CCDC175: variants seen among roughly 807,000 people sequenced by gnomAD.
CCDC175 encodes coiled-coil domain containing 175, also known as coiled-coil domain-containing protein 175.
In CCDC175, 100 loss-of-function variants were observed where a neutral mutation model predicts 114.6. The observed-to-expected ratio is 0.87, with a 90% CI of 0.74 to 1.03. The LOEUF (loss-of-function observed/expected upper bound fraction) is 1.03. Ranked by LOEUF, CCDC175 falls within the 50% of genes least tolerant of loss-of-function variation. The pLI, the probability that CCDC175 is intolerant of heterozygous loss-of-function variation, is 0.00. For synonymous variants in CCDC175, 306 were observed against 308.7 expected, an observed-to-expected ratio of 0.99 and a Z score of 0.09; for missense variants, 880 against 917.8, an observed-to-expected ratio of 0.96 and a Z score of 0.53.
chr14:59,568,108 G>A, intron 4 of CCDC175, 137 bp downstream of exon 4: 1 of 776,062 alleles, frequency 1.3e-6, no homozygotes, highest in Non-Finnish European at 1.9e-6. Context: ...ATCAGCCTGG[G>A]CCATCTCCTA....
At chr14:59,517,179 A>G (rs1431154952) in intron 17 of CCDC175, among the ~76,000 whole-genome samples, 1 of 152,218 alleles carries the variant, frequency 6.6e-6, no homozygotes. Flanking sequence ...TCAAAATAAT[A>G]AGAGCTATCT....
At chr14:59,576,477 C>T in intron 1 of CCDC175, 142 bp downstream of exon 1, 1 of 778,296 alleles carries the variant, frequency 1.3e-6, no homozygotes, top group Non-Finnish European at 1.8e-6. Context: ...TCCCCAGCCT[C>T]CAAGGAGCGG....
chr14:59,534,594 C>T (rs114352897), intron 13 of CCDC175, among the ~76,000 whole-genome samples: 277 of 152,292 alleles, frequency 1.8e-3, no homozygotes, highest in African/African-American at 6.2e-3. Context: ...CTATAATAAA[C>T]CCTTTTCCTG....
intron 9 of CCDC175, 143 bp from the exon 10 acceptor site, chr14:59,543,597 C>T (rs1182921962): frequency 2.3e-6 from 1 of 428,768 alleles, no homozygotes; most frequent in Admixed American, 4.2e-5. Flanking sequence ...AGTCTTTTTG[C>T]TAGTGGTAGC....
chr14:59,530,313 G>A (rs1278220138), intron 14 of CCDC175, among the ~76,000 whole-genome samples: 1 of 151,930 alleles, frequency 6.6e-6, no homozygotes, highest in Non-Finnish European at 1.5e-5. Flanking sequence ...GTTGCAGTGA[G>A]CAGAGATTGT....
chr14:59,537,958 ATAT>A, intron 13 of CCDC175, 62 bp downstream of exon 13: 1 of 828,962 alleles, frequency 1.2e-6, no homozygotes, highest in East Asian at 3.7e-5. Flanking sequence ...ATAGCATGAA[ATAT>A]TATTCCCCCT....
chr14:59,531,831 G>A lies in CCDC175; in HGVS notation c.1703C>T (p.Ala568Val). ...LVEYLPQLQV[A>V]EQEYKEKRRK... Reference sequence around the variant, plus strand: ...TCTTTTCTCTTTATACTCTTGTTCTGCCACCTGAAGTTGTGGAAGATACTC... The same window carrying A: ...TCTTTTCTCTTTATACTCTTGTTCTACCACCTGAAGTTGTGGAAGATACTC... Residue 568 changes from alanine to valine, a missense_variant, in exon 14 of 20, where the codon GCA (alanine) becomes GTA (valine). By Grantham distance (64) the Ala-to-Val change is moderately conservative (BLOSUM62 0). Transcript: ENST00000537690. The A allele has an allele frequency of 6.8e-7, 1 of 1,476,686 alleles. No homozygotes were observed. The highest frequency in any genetic ancestry group is 9.1e-7 in the Non-Finnish European group (1 of 1,095,364). 91.5% of individuals were successfully genotyped at this position (1,476,686 alleles called of 1,614,324 possible). A position where few individuals can be genotyped will look rare whatever the true frequency, so the allele number is the denominator to read the frequency against.
Position 59,545,267 on chromosome 14 carries a change from T to C in CCDC175, c.1068A>G (p.Glu356=). ...LVETLHAARM[E]YKDLREKMKT... is the part of the protein sequence containing the mutation. ...TCATTTTCTCTCGTAGGTCTTTGTA[T>C]TCCATACGAGCAGCATGCAGTGTTT... The change falls in exon 9 of 20, where the codon GAA becomes GAG. Residue 356 remains glutamate, a synonymous_variant. Coordinates refer to ENST00000537690, the MANE Select transcript of CCDC175 (RefSeq NM_001164399.2). The C allele has an allele frequency of 6.5e-7, 1 of 1,536,948 alleles. No individual in the cohort carries two copies. Among genetic ancestry groups the C allele is most frequent in the Non-Finnish European group, 8.7e-7 (1 of 1,146,704 alleles).
intron 9 of CCDC175, among the ~76,000 whole-genome samples, chr14:59,544,802 T>G (rs1895006217): frequency 6.6e-6 from 1 of 152,080 alleles, no homozygotes; most frequent in Non-Finnish European, 1.5e-5. Context: ...GATGAGGACA[T>G]GAGGGTGGGA....
At chr14:59,541,853 A>C (rs963636270) in intron 10 of CCDC175, among the ~76,000 whole-genome samples, 2 of 152,242 alleles carry the variant, frequency 1.3e-5, no homozygotes, top group African/African-American at 4.8e-5. Flanking sequence ...TTCATGAGGA[A>C]CATAAAACCT....
At chr14:59,564,335 T>G (rs1896395550) in intron 5 of CCDC175, 2 of 153,018 alleles carry the variant, frequency 1.3e-5, no homozygotes. Flanking sequence ...CAGAGCAGCT[T>G]GTAATCCTGG....
intron 17 of CCDC175, 71 bp downstream of exon 17, chr14:59,521,503 T>A: frequency 1.2e-6 from 1 of 803,330 alleles, no homozygotes; most frequent in Non-Finnish European, 2.0e-6. Flanking sequence ...CCCTTTCATA[T>A]ATACATATAT....
At chr14:59,573,963 C>T (rs1257628290) in intron 2 of CCDC175, among the ~76,000 whole-genome samples, 1 of 152,112 alleles carries the variant, frequency 6.6e-6, no homozygotes, top group African/African-American at 2.4e-5. Flanking sequence ...TAAATGAATA[C>T]AGACTAGATA....
At chr14:59,511,372 G>C (rs925526269) in intron 18 of CCDC175, among the ~76,000 whole-genome samples, 6 of 152,066 alleles carry the variant, frequency 3.9e-5, no homozygotes, top group African/African-American at 1.4e-4. Flanking sequence ...AGTGGGGAGG[G>C]TGCAGATGTT....
At position 59,560,298 on chromosome 14, in the gene CCDC175, G is replaced by C. The variant is rs975844631; in HGVS notation, c.953+821C>G. The stretch of plus-strand genomic sequence containing the variant: ...CAAGATTCTACATGTGAGGTTACTT[G>C]TATTTTGGGAATCTGCTCAGTCCAC... On this transcript the variant is annotated intron_variant, in intron 7 of 19. Transcript: ENST00000537690. 1.3e-5 allele frequency among the ~76,000 whole-genome samples: 2 copies of C among 152,122 alleles called. 1 individual carries two copies. The highest frequency in any genetic ancestry group is 1.3e-4 in the Admixed American group (2 of 15,256).
intron 6 of CCDC175, 87 bp from the exon 7 acceptor site, chr14:59,561,315 T>G (rs1896217297): frequency 1.6e-6 from 1 of 613,138 alleles, no homozygotes; most frequent in Non-Finnish European, 2.8e-6. Flanking sequence ...ATTCATGAAT[T>G]ACTCATTCAA....
intron 13 of CCDC175, among the ~76,000 whole-genome samples, chr14:59,536,438 CTCATT>C (rs1227894486): frequency 6.6e-6 from 1 of 151,958 alleles, no homozygotes; most frequent in Non-Finnish European, 1.5e-5. Flanking sequence ...ACTTGTTCAT[CTCATT>C]TATTTTCATT....
chr14:59,530,080 T>C lies in CCDC175; in HGVS notation c.1762+1692A>G, dbSNP rs191879965. Among the ~76,000 whole-genome samples the C allele has an allele frequency of 4.6e-5, 7 of 151,970 alleles. No individual in the cohort carries two copies. The East Asian group carries it at 1.4e-3, about 29-fold the overall frequency. On this transcript the variant is annotated intron_variant, in intron 14 of 19. Coordinates refer to ENST00000537690, the MANE Select transcript of CCDC175 (RefSeq NM_001164399.2). ...GAAGAATGGCTGGGAAAGTAGAAAATTGGGACTAGGCTGGGTGTGGTGGCT... is the reference window on the plus strand; with the variant it reads ...GAAGAATGGCTGGGAAAGTAGAAAACTGGGACTAGGCTGGGTGTGGTGGCT...
At chr14:59,549,798 A>G (rs1206649286) in intron 8 of CCDC175, among the ~76,000 whole-genome samples, 1 of 152,122 alleles carries the variant, frequency 6.6e-6, no homozygotes. Flanking sequence ...GGTGTTGGGA[A>G]GAGATACTAA....
Sources: allele counts gnomAD v4.1 joint callset (sites outside exome capture counted in the v4.1 genomes callset), GRCh38; gene constraint gnomAD v4.1.1; transcripts MANE v1.5; gene names NCBI Gene and HGNC (gene_info 2026-07-23, HGNC 2026-07-21).